FRMD4A: variants seen among roughly 807,000 people sequenced by gnomAD.
FRMD4A encodes the protein FERM domain-containing protein 4A.
FRMD4A carries 29 observed loss-of-function variants against 129.1 expected under a neutral mutation model. The ratio of observed to expected loss-of-function variants is 0.22; its 90% CI spans 0.17 to 0.31. FRMD4A has a LOEUF of 0.31. Among genes scored for constraint, FRMD4A ranks in the 10% least tolerant of loss-of-function variants. The pLI, the probability that FRMD4A is intolerant of heterozygous loss-of-function variation, is 1.00. For missense variants in FRMD4A, 1,272 were observed against 1,375.8 expected, an observed-to-expected ratio of 0.92 and a Z score of 1.19; for synonymous variants, 634 against 571.6, an observed-to-expected ratio of 1.11 and a Z score of -1.56.
chr10:13,716,499 C>T (rs922312789), intron 12 of FRMD4A, among the ~76,000 whole-genome samples: 1 of 152,196 alleles, frequency 6.6e-6, no homozygotes, highest in South Asian at 2.1e-4. Flanking sequence ...ACACACCCAG[C>T]ACAGGAGACA....
At chr10:14,048,365 C>T (rs1051211116) in intron 2 of FRMD4A, among the ~76,000 whole-genome samples, 2 of 152,220 alleles carry the variant, frequency 1.3e-5, no homozygotes, top group East Asian at 3.8e-4. Context: ...AGCACGTCGT[C>T]TCATTTTGTG....
Position 13,948,842 on chromosome 10 carries a change from G to A in FRMD4A, c.46-89930C>T, listed in dbSNP as rs550373676. Among the ~76,000 whole-genome samples the A allele has an allele frequency of 6.7e-4, 101 of 151,840 alleles. 1 individual carries two copies. Among genetic ancestry groups the A allele is most frequent in the Admixed American group, 2.6e-3 (40 of 15,262 alleles). Reference sequence around the variant, plus strand: ...AATTTTTGTATTTTTAGTAGAGACAGGGTTTCACTATGTTGGCCAGGATGG... The same window carrying A: ...AATTTTTGTATTTTTAGTAGAGACAAGGTTTCACTATGTTGGCCAGGATGG... On this transcript the variant is annotated intron_variant, in intron 2 of 24. Transcript: ENST00000357447.
chr10:13,759,292 T>C (rs1345366130), intron 8 of FRMD4A, among the ~76,000 whole-genome samples: 1 of 152,242 alleles, frequency 6.6e-6, no homozygotes, highest in African/African-American at 2.4e-5. Context: ...CCGGATCCTT[T>C]GTTTCTTTGA....
At chr10:14,233,226 A>T (rs1246735236) in intron 2 of FRMD4A, among the ~76,000 whole-genome samples, 4 of 152,194 alleles carry the variant, frequency 2.6e-5, no homozygotes, top group African/African-American at 9.6e-5. Flanking sequence ...GGAGAGCAAA[A>T]ATACATATCC....
chr10:14,025,361 G>T (rs924993668), intron 2 of FRMD4A, among the ~76,000 whole-genome samples: 1 of 150,952 alleles, frequency 6.6e-6, no homozygotes, highest in Non-Finnish European at 1.5e-5. Flanking sequence ...CATAAATTTT[G>T]CCATCTTAAC....
chr10:13,765,364 A>C (rs1391107387), intron 6 of FRMD4A, among the ~76,000 whole-genome samples: 3 of 151,796 alleles, frequency 2.0e-5, no homozygotes, highest in East Asian at 3.9e-4. Flanking sequence ...TGATCCACCC[A>C]CCTCGGCCTC....
chr10:14,186,785 A>G (rs1842158908), intron 2 of FRMD4A, among the ~76,000 whole-genome samples: 1 of 152,084 alleles, frequency 6.6e-6, no homozygotes, highest in African/African-American at 2.4e-5. Context: ...CATAGCTTTG[A>G]CTGTTCAGGG....
At chr10:13,829,819 C>T (rs922310671) in intron 3 of FRMD4A, among the ~76,000 whole-genome samples, 8 of 152,190 alleles carry the variant, frequency 5.3e-5, no homozygotes, top group Non-Finnish European at 1.0e-4. Context: ...GGCATGGATC[C>T]CCATCTTTGC....
intron 4 of FRMD4A, among the ~76,000 whole-genome samples, chr10:13,806,876 C>G (rs866444429): frequency 1.9e-4 from 29 of 152,176 alleles, no homozygotes; most frequent in African/African-American, 6.5e-4. Flanking sequence ...GGCATGACCT[C>G]GGCTCACTGC....
chr10:13,943,687 AAAAG>A (rs955657163), intron 2 of FRMD4A, among the ~76,000 whole-genome samples: 11 of 148,308 alleles, frequency 7.4e-5, no homozygotes, highest in African/African-American at 1.5e-4. Context: ...AAAGAAAAAG[AAAAG>A]AAAGAAAGAA....
chr10:13,941,252 T>C (rs888673794), intron 2 of FRMD4A, among the ~76,000 whole-genome samples: 10 of 152,186 alleles, frequency 6.6e-5, no homozygotes, highest in Middle Eastern at 3.2e-3. Flanking sequence ...CAAGATCTGA[T>C]GGTTTTATAA....
chr10:14,293,393 T>A (rs1336151278), intron 2 of FRMD4A, among the ~76,000 whole-genome samples: 1 of 152,180 alleles, frequency 6.6e-6, no homozygotes, highest in African/African-American at 2.4e-5. Flanking sequence ...GCCAAATAAA[T>A]TCGTATTGCT....
chr10:13,917,310 A>G (rs1340452086), intron 2 of FRMD4A, among the ~76,000 whole-genome samples: 1 of 134,036 alleles, frequency 7.5e-6, no homozygotes, highest in Admixed American at 7.9e-5. Context: ...TGAGATGGAG[A>G]CTCGCTTTGT....
rs1354439714 is a variant in FRMD4A, at chr10:14,213,243, C to CTAAA, written c.45+116811_45+116814dup. On this transcript the variant is annotated intron_variant, in intron 2 of 24. Transcript: ENST00000357447. ...TGAGTGACAGAGAAAGACCCTGTCT[C>CTAAA]TAAATAAATAAATAAATAAACAAAT... Among the ~76,000 whole-genome samples, 33 of 152,082 alleles carry CTAAA rather than the reference C, an allele frequency of 2.2e-4. No homozygotes were observed. The South Asian group carries it at 5.2e-3, about 24-fold the overall frequency.
At chr10:14,036,459 G>C (rs1439144585) in intron 2 of FRMD4A, among the ~76,000 whole-genome samples, 1 of 152,176 alleles carries the variant, frequency 6.6e-6, no homozygotes, top group Admixed American at 6.5e-5. Context: ...TGCAGAAAAG[G>C]GACAAAGCCA....
intron 2 of FRMD4A, among the ~76,000 whole-genome samples, chr10:14,312,973 G>A (rs1448420301): frequency 6.6e-6 from 1 of 152,198 alleles, no homozygotes; most frequent in Non-Finnish European, 1.5e-5. Context: ...AGAAACTAAA[G>A]TATTAAGAAT....
intron 2 of FRMD4A, among the ~76,000 whole-genome samples, chr10:14,223,955 C>A (rs55644331): frequency 0.042 from 6,371 of 152,140 alleles, 228 homozygotes; most frequent in Non-Finnish European, 0.062. Flanking sequence ...AAAAGATTTT[C>A]GGGGACCCTT....
At chr10:13,933,612 T>G (rs996541954) in intron 2 of FRMD4A, among the ~76,000 whole-genome samples, 2 of 152,220 alleles carry the variant, frequency 1.3e-5, no homozygotes, top group East Asian at 3.9e-4. Flanking sequence ...ATAGTGAGTG[T>G]GTGAACAGGG....
intron 2 of FRMD4A, among the ~76,000 whole-genome samples, chr10:14,179,834 G>A (rs562705812): frequency 6.6e-6 from 1 of 152,314 alleles, no homozygotes; most frequent in South Asian, 2.1e-4. Context: ...AGGAATTCAA[G>A]ATCAGCCTGA....
Sources: allele counts gnomAD v4.1 joint callset (sites outside exome capture counted in the v4.1 genomes callset), GRCh38; gene constraint gnomAD v4.1.1; transcripts MANE v1.5; gene names NCBI Gene and HGNC (gene_info 2026-07-23, HGNC 2026-07-21).